DEPDC4: variants seen among roughly 807,000 people sequenced by gnomAD.
DEPDC4 encodes the protein DEP domain-containing protein 4.
Under a neutral mutation model 52.0 loss-of-function variants are expected in DEPDC4, and 52 were observed. The observed-to-expected ratio is 1.00, with a 90% CI of 0.80 to 1.26. The LOEUF is 1.26. DEPDC4 is among the 50% of genes most tolerant of loss of function. DEPDC4 has a pLI of 0.00. For missense variants in DEPDC4, 530 were observed against 546.9 expected, an observed-to-expected ratio of 0.97 and a Z score of 0.31; for synonymous variants, 201 against 196.8, an observed-to-expected ratio of 1.02 and a Z score of -0.18.
intron 7 of DEPDC4, among the ~76,000 whole-genome samples, chr12:100,251,643 T>C (rs1489072739): frequency 2.6e-5 from 4 of 151,562 alleles, no homozygotes; most frequent in African/African-American, 9.7e-5. Flanking sequence ...TCTTGGTTCA[T>C]TGCAACCTCC....
chr12:100,234,774 T>C (rs2096138921), intron 9 of DEPDC4, among the ~76,000 whole-genome samples: 1 of 152,216 alleles, frequency 6.6e-6, no homozygotes, highest in Admixed American at 6.5e-5. Context: ...GATTTATTTA[T>C]ACAGAGAAAA....
upstream of DEPDC4, chr12:100,267,699 G>A (rs1480624948): frequency 2.0e-5 from 3 of 152,542 alleles, no homozygotes; most frequent in Non-Finnish European, 4.4e-5. Flanking sequence ...TCAGCTGCCG[G>A]AGGGAGAGCC....
intron 1 of DEPDC4, among the ~76,000 whole-genome samples, chr12:100,265,162 C>T (rs1332800993): frequency 2.6e-5 from 4 of 151,952 alleles, no homozygotes; most frequent in Non-Finnish European, 4.4e-5. Flanking sequence ...GGCATGGTGG[C>T]GTGCTCCTAT....
upstream of DEPDC4, among the ~76,000 whole-genome samples, chr12:100,270,048 G>A (rs367785949): frequency 1.3e-5 from 2 of 150,994 alleles, no homozygotes; most frequent in East Asian, 2.0e-4. Flanking sequence ...GTGCCGTGGC[G>A]CGATCTCGGC....
chr12:100,259,077 A>ATATATATATAT (rs1555312790), intron 3 of DEPDC4, among the ~76,000 whole-genome samples: 1 of 129,342 alleles, frequency 7.7e-6, no homozygotes, highest in African/African-American at 3.2e-5. Context: ...TCTCAAAAAA[A>ATATATATATAT]AAAAATATAT....
At chr12:100,255,232 C>T (rs1044501862) in intron 4 of DEPDC4, among the ~76,000 whole-genome samples, 4 of 152,228 alleles carry the variant, frequency 2.6e-5, no homozygotes, top group Non-Finnish European at 5.9e-5. Context: ...TGCAGAAATC[C>T]TGTTTCTTTT....
upstream of DEPDC4, chr12:100,267,361 G>C (rs1303612516): frequency 3.1e-6 from 1 of 325,030 alleles, no homozygotes; most frequent in Non-Finnish European, 5.7e-6. Context: ...CGGGGGGAAA[G>C]AGCCCCAGCA....
Position 100,241,623 on chromosome 12 carries a change from A to G in DEPDC4, c.*269T>C. The G allele has an allele frequency of 9.4e-7, 1 of 1,063,400 alleles. No homozygotes were observed. Among genetic ancestry groups the G allele is most frequent in the African/African-American group, 1.7e-5 (1 of 58,590 alleles). 65.9% of individuals were successfully genotyped at this position (1,063,400 alleles called of 1,614,324 possible). The stretch of plus-strand genomic sequence containing the variant: ...AGTATGGCAATTTGAGAAAACCACC[A>G]GAGAATTGTTTATATTTACAAATTG... On this transcript the variant is annotated 3_prime_UTR_variant, in exon 10 of 10. Transcript: ENST00000550587.
chr12:100,248,787 C>CT (rs1303169798), intron 8 of DEPDC4, 113 bp downstream of exon 8: 1 of 371,086 alleles, frequency 2.7e-6, no homozygotes, highest in East Asian at 1.6e-4. Flanking sequence ...CCTGTAACCA[C>CT]TTTTTACAAC....
chr12:100,273,222 T>C, the DEPDC4 span, among the ~76,000 whole-genome samples: 1 of 152,164 alleles, frequency 6.6e-6, no homozygotes, highest in Admixed American at 6.5e-5. Flanking sequence ...CTTCTTTTTC[T>C]TCAGCTTTTA....
At chr12:100,247,458 G>A (rs977573544) in intron 8 of DEPDC4, among the ~76,000 whole-genome samples, 12 of 152,028 alleles carry the variant, frequency 7.9e-5, no homozygotes, top group Non-Finnish European at 1.5e-4. Context: ...TGCCCGCCTT[G>A]GCCTCTCAAA....
chr12:100,247,295 G>A (rs757797540), intron 8 of DEPDC4, among the ~76,000 whole-genome samples: 13 of 128,714 alleles, frequency 1.0e-4, no homozygotes, highest in Admixed American at 6.8e-4. Flanking sequence ...TGCAACCTCC[G>A]CCTCCTGGGT....
rs1279680024 is a variant in DEPDC4 at position 100,252,333 on chromosome 12, T to C, written c.1249-32A>G. ...ACAGAAAGATTAACATTAGCATAAA[T>C]GGTTTTTAGAGGAAAAAAATAGCAA... On this transcript the variant is annotated intron_variant, in intron 6 of 9. Coordinates refer to ENST00000550587, the MANE Select transcript of DEPDC4 (RefSeq NM_001364818.2). 10 of 1,505,678 alleles carry C rather than the reference T, an allele frequency of 6.6e-6. No individual in the cohort carries two copies. The African/African-American group carries it at 1.5e-4, about 22-fold the overall frequency. The allele number at this position is 1,505,678 out of a possible 1,614,324, so 93.3% of individuals were successfully genotyped here. A position where few individuals can be genotyped will look rare whatever the true frequency, so the allele number is the denominator to read the frequency against.
chr12:100,233,417 A>C (rs2096137189), intron 9 of DEPDC4, among the ~76,000 whole-genome samples: 1 of 152,248 alleles, frequency 6.6e-6, no homozygotes, highest in South Asian at 2.1e-4. Context: ...TTTCACGACC[A>C]ACTTTAAATA....
intron 8 of DEPDC4, among the ~76,000 whole-genome samples, chr12:100,244,520 G>C (rs895760142): frequency 6.6e-6 from 1 of 151,858 alleles, no homozygotes; most frequent in Admixed American, 6.6e-5. Context: ...TGTCACCCCA[G>C]CTGTAGTGCA....
chr12:100,232,353 G>T (rs979424222), intron 9 of DEPDC4, among the ~76,000 whole-genome samples: 1 of 149,960 alleles, frequency 6.7e-6, no homozygotes, highest in African/African-American at 2.5e-5. Flanking sequence ...CCACGTTCGC[G>T]CCACTGCACT....
At chr12:100,247,176 CTTATAT>C (rs2096188904) in intron 8 of DEPDC4, among the ~76,000 whole-genome samples, 1 of 141,164 alleles carries the variant, frequency 7.1e-6, no homozygotes, top group Admixed American at 7.3e-5. Flanking sequence ...GTGCAAAACA[CTTATAT>C]TTATAATCTC....
At chr12:100,257,525 G>A (rs966045554) in intron 3 of DEPDC4, among the ~76,000 whole-genome samples, 6 of 152,100 alleles carry the variant, frequency 3.9e-5, no homozygotes, top group Admixed American at 2.0e-4. Context: ...ACAGGCATGC[G>A]CCACCACGCC....
chr12:100,238,076 C>G (rs2096144601), downstream of DEPDC4: 1 of 983,446 alleles, frequency 1.0e-6, no homozygotes, highest in Non-Finnish European at 1.2e-6. Flanking sequence ...TTCAGGTACC[C>G]TCTCAGGTCT....
Sources: allele counts gnomAD v4.1 joint callset (sites outside exome capture counted in the v4.1 genomes callset), GRCh38; gene constraint gnomAD v4.1.1; transcripts MANE v1.5; gene names NCBI Gene and HGNC (gene_info 2026-07-23, HGNC 2026-07-21).